Variants in UBAC2 observed in about 807,000 individuals in gnomAD.
UBAC2 encodes the protein UBA domain containing 2.
Under a neutral mutation model 44.0 loss-of-function variants are expected in UBAC2, and 26 were observed. That is an observed-to-expected ratio of 0.59 (90% CI 0.43 to 0.82). The LOEUF is 0.82. Ranked by LOEUF, UBAC2 falls within the 40% of genes least tolerant of loss-of-function variation. The probability of loss-of-function intolerance (pLI) is 0.00; values close to 1 mark genes in which losing one functional copy is unlikely to be tolerated. For missense variants in UBAC2, 329 were observed against 419.4 expected, an observed-to-expected ratio of 0.78 and a Z score of 1.88; for synonymous variants, 155 against 154.3, an observed-to-expected ratio of 1.00 and a Z score of -0.04.
intron 1 of UBAC2, among the ~76,000 whole-genome samples, chr13:99,201,951 T>C (rs2042807307): frequency 6.6e-6 from 1 of 151,768 alleles, no homozygotes. Flanking sequence ...CGGGTGCCTG[T>C]ATTCCCAGCT....
intron 8 of UBAC2, among the ~76,000 whole-genome samples, chr13:99,378,850 C>T (rs1396588781): frequency 1.3e-5 from 2 of 152,206 alleles, no homozygotes; most frequent in Non-Finnish European, 2.9e-5. Flanking sequence ...CAAGAAGGTA[C>T]TTTTATATTT....
chr13:99,328,785 C>T (rs2044674618), intron 6 of UBAC2, among the ~76,000 whole-genome samples: 1 of 151,992 alleles, frequency 6.6e-6, no homozygotes, highest in Admixed American at 6.6e-5. Context: ...TAATTTGTGG[C>T]TTGTCTGTTA....
rs182799194 is a variant in UBAC2 at position 99,317,015 on chromosome 13, C to T, written c.514-1007C>T. 5.9e-5 allele frequency among the ~76,000 whole-genome samples: 9 copies of T among 152,346 alleles called. No individual in the cohort carries two copies. In the East Asian group the frequency reaches 1.2e-3, roughly 20 times the overall value. On this transcript the variant is annotated intron_variant, in intron 5 of 8. Transcript: ENST00000403766. Reference sequence around the variant, plus strand: ...ATCAGAGTCATTTCCACTGAACAAACGTCCGTGCTACATCAAAGGTTCAGA... The same window carrying T: ...ATCAGAGTCATTTCCACTGAACAAATGTCCGTGCTACATCAAAGGTTCAGA...
chr13:99,277,920 T>C (rs2043905358), intron 4 of UBAC2, among the ~76,000 whole-genome samples: 1 of 152,152 alleles, frequency 6.6e-6, no homozygotes, highest in Admixed American at 6.5e-5. Flanking sequence ...ATAACGTTCT[T>C]CTAATATCTG....
chr13:99,377,826 A>C (rs1485850635), intron 8 of UBAC2, among the ~76,000 whole-genome samples: 1 of 152,076 alleles, frequency 6.6e-6, no homozygotes, highest in East Asian at 1.9e-4. Context: ...GGCTTCTCAC[A>C]TGCATCCCTC....
chr13:99,223,542 GTTT>G (rs145143990), intron 1 of UBAC2, among the ~76,000 whole-genome samples: 15,760 of 62,510 alleles, frequency 0.25, 1,263 homozygotes, highest in South Asian at 0.38. Context: ...CTCTTTTTCT[GTTT>G]TTTTTTTTTT....
intron 4 of UBAC2, among the ~76,000 whole-genome samples, chr13:99,263,795 AG>A (rs2043702699): frequency 6.6e-6 from 1 of 152,216 alleles, no homozygotes; most frequent in African/African-American, 2.4e-5. Flanking sequence ...GTGGAGTGCA[AG>A]TCACAATCAC....
chr13:99,203,437 G>A (rs1182822208), intron 1 of UBAC2, among the ~76,000 whole-genome samples: 4 of 152,220 alleles, frequency 2.6e-5, no homozygotes, highest in Non-Finnish European at 4.4e-5. Context: ...ACCCCCATGG[G>A]TGGTGAATAA....
chr13:99,241,587 G>A (rs576221325), intron 2 of UBAC2, among the ~76,000 whole-genome samples: 1 of 152,298 alleles, frequency 6.6e-6, no homozygotes, highest in East Asian at 1.9e-4. Context: ...GGGGCTAAGG[G>A]GAGAGGGAAC....
intron 6 of UBAC2, among the ~76,000 whole-genome samples, chr13:99,319,842 A>G (rs1373765705): frequency 6.6e-6 from 1 of 152,228 alleles, no homozygotes; most frequent in East Asian, 1.9e-4. Flanking sequence ...ACTGAGGAAG[A>G]CTTAACCAGC....
At chr13:99,250,364 G>A in intron 4 of UBAC2, among the ~76,000 whole-genome samples, 1 of 152,180 alleles carries the variant, frequency 6.6e-6, no homozygotes, top group South Asian at 2.1e-4. Flanking sequence ...AATATCAGAT[G>A]GCTGTAGTTA....
chr13:99,201,142 A>G, intron 1 of UBAC2: 4 of 1,366,916 alleles, frequency 2.9e-6, no homozygotes, highest in Non-Finnish European at 3.8e-6. Flanking sequence ...GCGAATGGGG[A>G]CAAAGCCCCG....
chr13:99,355,019 A>G (rs1410668593), intron 7 of UBAC2, among the ~76,000 whole-genome samples: 2 of 152,192 alleles, frequency 1.3e-5, no homozygotes, highest in African/African-American at 4.8e-5. Flanking sequence ...CAGATAGGCA[A>G]GTGCGGGAAT....
Position 99,353,382 on chromosome 13 carries a change from A to G in UBAC2, c.807+12817A>G, listed in dbSNP as rs553572138. Among the ~76,000 whole-genome samples, 11 of 152,376 alleles carry G rather than the reference A, an allele frequency of 7.2e-5. 1 individual carries two copies. In the South Asian group the frequency reaches 1.9e-3, roughly 26 times the overall value. On this transcript the variant is annotated intron_variant, in intron 7 of 8. Transcript: ENST00000403766. ...TTGACAAAATTCAGAACAGAAAGAT[A>G]GGATCAATCTAAAGTGTGATCCTTT...
chr13:99,382,099 G>T (rs977551348), intron 8 of UBAC2, among the ~76,000 whole-genome samples: 1 of 152,136 alleles, frequency 6.6e-6, no homozygotes, highest in Non-Finnish European at 1.5e-5. Context: ...CAGAGTTCTG[G>T]GCTCTTTGAC....
At position 99,213,607 on chromosome 13, in the gene UBAC2, G is replaced by A. The variant is rs867486223; in HGVS notation, c.31+12668G>A. ...ACTTCTGACCTCAGGTGATCCGCAC[G>A]ACTCAGCCTCCCAGAGTGCTGGGAT... On this transcript the variant is annotated intron_variant, in intron 1 of 8. Coordinates refer to ENST00000403766, the MANE Select transcript of UBAC2 (RefSeq NM_001144072.2). 5.5e-4 allele frequency among the ~76,000 whole-genome samples: 84 copies of A among 151,946 alleles called. 2 individuals are homozygous for A. The highest frequency in any genetic ancestry group is 1.5e-4 in the Non-Finnish European group (10 of 67,966).
At position 99,215,626 on chromosome 13, in the gene UBAC2, T is replaced by G. The variant is rs1029062155; in HGVS notation, c.31+14687T>G. 11 of 1,327,022 alleles carry G rather than the reference T, an allele frequency of 8.3e-6. No individual in the cohort carries two copies. In the African/African-American group the frequency reaches 1.3e-4, roughly 16 times the overall value. The allele number at this position is 1,327,022 out of a possible 1,614,324, so 82.2% of individuals were successfully genotyped here. A position where few individuals can be genotyped will look rare whatever the true frequency, so the allele number is the denominator to read the frequency against. Reference sequence around the variant, plus strand: ...ACAGCGGCAGTTGCACCCACATGTCTGTGACCCGTCGTCCTAGATTTCAGG... The same window carrying G: ...ACAGCGGCAGTTGCACCCACATGTCGGTGACCCGTCGTCCTAGATTTCAGG... On this transcript the variant is annotated intron_variant, in intron 1 of 8. Coordinates refer to ENST00000403766, the MANE Select transcript of UBAC2 (RefSeq NM_001144072.2).
chr13:99,252,929 G>A (rs2043476862), intron 4 of UBAC2, among the ~76,000 whole-genome samples: 2 of 151,874 alleles, frequency 1.3e-5, no homozygotes, highest in Non-Finnish European at 2.9e-5. Context: ...CTATGGCAGA[G>A]AACTTTTCCA....
chr13:99,283,481 C>T (rs771473406), intron 4 of UBAC2, among the ~76,000 whole-genome samples: 17 of 151,738 alleles, frequency 1.1e-4, no homozygotes, highest in Middle Eastern at 3.2e-3. Flanking sequence ...AATTTTGTAC[C>T]GTAGAGCCTT....
Sources: allele counts gnomAD v4.1 joint callset (sites outside exome capture counted in the v4.1 genomes callset), GRCh38; gene constraint gnomAD v4.1.1; transcripts MANE v1.5; gene names NCBI Gene and HGNC (gene_info 2026-07-23, HGNC 2026-07-21).